Variants in ZFHX3 observed in about 807,000 individuals in gnomAD.
The protein encoded by ZFHX3 is zinc finger homeobox protein 3.
Under a neutral mutation model 279.1 loss-of-function variants are expected in ZFHX3, and 42 were observed. The ratio of observed to expected loss-of-function variants is 0.15; its 90% CI spans 0.12 to 0.19. The LOEUF is 0.19. ZFHX3 is among the 10% of genes least tolerant of loss of function. ZFHX3 has a pLI of 1.00. For synonymous variants in ZFHX3, 2,293 were observed against 1,957.8 expected, an observed-to-expected ratio of 1.17 and a Z score of -4.52; for missense variants, 4,981 against 4,754.0, an observed-to-expected ratio of 1.05 and a Z score of -1.40.
chr16:73,650,017 T>G (rs2052655989), intron 2 of ZFHX3, among the ~76,000 whole-genome samples: 1 of 152,192 alleles, frequency 6.6e-6, no homozygotes, highest in South Asian at 2.1e-4. Context: ...GTCAGTTTAC[T>G]CATTTTTAAA....
At chr16:73,503,089 G>A (rs949724162) in intron 2 of ZFHX3, among the ~76,000 whole-genome samples, 2 of 152,202 alleles carry the variant, frequency 1.3e-5, no homozygotes, top group Non-Finnish European at 2.9e-5. Flanking sequence ...GCTCTAATCA[G>A]AGCTAGATGA....
chr16:73,882,405 G>A (rs541503783), intron 1 of ZFHX3, among the ~76,000 whole-genome samples: 1 of 152,212 alleles, frequency 6.6e-6, no homozygotes, highest in Non-Finnish European at 1.5e-5. Context: ...CTCTAGGAAA[G>A]TGGTACAGAA....
At chr16:73,782,495 G>A (rs999075007) in intron 1 of ZFHX3, among the ~76,000 whole-genome samples, 23 of 152,190 alleles carry the variant, frequency 1.5e-4, no homozygotes, top group African/African-American at 5.3e-4. Flanking sequence ...TTCAAGCCTA[G>A]CTCTTTTCTG....
intron 3 of ZFHX3, among the ~76,000 whole-genome samples, chr16:73,402,695 A>G (rs1273370202): frequency 6.6e-6 from 1 of 152,102 alleles, no homozygotes; most frequent in Non-Finnish European, 1.5e-5. Flanking sequence ...TGTCAATCCA[A>G]TGTTTTAATA....
At position 73,563,244 on chromosome 16, in the gene ZFHX3, G is replaced by GT. The variant is rs111697941; in HGVS notation, c.-1546-106987dup. On this transcript the variant is annotated intron_variant, in intron 2 of 17. Coordinates refer to the ZFHX3 transcript ENST00000641206. ...TGTGTTTTGTTTTTGTTTTGTTTTT[G>GT]TTTTTTTTTTTGAGAGGGAGTCTCA... Among the ~76,000 whole-genome samples the GT allele has an allele frequency of 4.6e-3, 595 of 129,548 alleles. 8 individuals carry two copies. The highest frequency in any genetic ancestry group is 0.015 in the African/African-American group (521 of 34,960). The allele number at this position is 129,548 out of a possible 152,430, so 85.0% of individuals were successfully genotyped here.
chr16:73,635,111 G>A (rs1456760716), intron 2 of ZFHX3, among the ~76,000 whole-genome samples: 1 of 152,130 alleles, frequency 6.6e-6, no homozygotes, highest in East Asian at 1.9e-4. Flanking sequence ...AAGAGGTAGA[G>A]GAGAAAACTC....
At chr16:73,784,752 T>TA (rs1374963178) in intron 1 of ZFHX3, among the ~76,000 whole-genome samples, 1 of 136,386 alleles carries the variant, frequency 7.3e-6, no homozygotes, top group Admixed American at 7.5e-5. Flanking sequence ...TCTCAAAAAT[T>TA]AAAAAAATTT....
chr16:73,377,877 C>G (rs1473054305), intron 3 of ZFHX3, among the ~76,000 whole-genome samples: 1 of 150,878 alleles, frequency 6.6e-6, no homozygotes, highest in Non-Finnish European at 1.5e-5. Flanking sequence ...ACTAAAAATA[C>G]AAAAAATGAG....
At chr16:73,673,245 G>A (rs1383252188) in intron 2 of ZFHX3, among the ~76,000 whole-genome samples, 1 of 152,142 alleles carries the variant, frequency 6.6e-6, no homozygotes, top group African/African-American at 2.4e-5. Context: ...GGGCACACGG[G>A]TAGAGGCCAC....
chr16:73,021,699 C>T (rs552364820), intron 1 of ZFHX3, among the ~76,000 whole-genome samples: 4 of 151,778 alleles, frequency 2.6e-5, no homozygotes, highest in Middle Eastern at 3.2e-3. Flanking sequence ...GGTGTGGTGG[C>T]GGGCACCTAT....
chr16:73,757,521 G>GT (rs980229920), intron 1 of ZFHX3, among the ~76,000 whole-genome samples: 26 of 151,564 alleles, frequency 1.7e-4, no homozygotes, highest in African/African-American at 5.6e-4. Context: ...AGTAGGGAAT[G>GT]TTTTTTTTTA....
intron 4 of ZFHX3, among the ~76,000 whole-genome samples, chr16:72,860,353 C>G (rs1023727660): frequency 1.3e-5 from 2 of 152,138 alleles, no homozygotes; most frequent in Non-Finnish European, 2.9e-5. Flanking sequence ...AAAGCCTGCC[C>G]GCTTTCCCCC....
rs375221370 is a variant in ZFHX3 at position 73,345,406 on chromosome 16, G to A, written c.-1290-27070C>T. Among the ~76,000 whole-genome samples the A allele has an allele frequency of 8.1e-4, 23 of 28,264 alleles. No individual in the cohort carries two copies. In the East Asian group the frequency reaches 0.016, roughly 19 times the overall value. 18.5% of individuals were successfully genotyped at this position (28,264 alleles called of 152,430 possible). A position where few individuals can be genotyped will look rare whatever the true frequency, so the allele number is the denominator to read the frequency against. On this transcript the variant is annotated intron_variant, in intron 3 of 17. Transcript: ENST00000641206. Reference sequence around the variant, plus strand: ...TCTCCCTCCCCCCACCCCACCCCCCGACAGGCCCCAGTATGTGTTGTTCCC... The same window carrying A: ...TCTCCCTCCCCCCACCCCACCCCCCAACAGGCCCCAGTATGTGTTGTTCCC...
intron 1 of ZFHX3, among the ~76,000 whole-genome samples, chr16:73,795,043 G>A (rs112730640): frequency 2.6e-5 from 4 of 152,182 alleles, no homozygotes; most frequent in African/African-American, 7.2e-5. Flanking sequence ...TGGAAAGGAA[G>A]CTCAGTGCTT....
At chr16:72,937,261 G>A (rs1236838720) in intron 3 of ZFHX3, among the ~76,000 whole-genome samples, 1 of 152,170 alleles carries the variant, frequency 6.6e-6, no homozygotes, top group African/African-American at 2.4e-5. Flanking sequence ...GACTGAATGA[G>A]ATACTTAGGG....
intron 2 of ZFHX3, among the ~76,000 whole-genome samples, chr16:73,645,402 G>A (rs1217881350): frequency 2.6e-5 from 4 of 152,084 alleles, no homozygotes; most frequent in Admixed American, 2.0e-4. Flanking sequence ...GACTACAGGC[G>A]CCCGCCGCCA....
At chr16:73,631,461 G>T (rs1257766584) in intron 2 of ZFHX3, among the ~76,000 whole-genome samples, 1 of 152,046 alleles carries the variant, frequency 6.6e-6, no homozygotes. Context: ...ATGTCATCTA[G>T]CTAGAGATCA....
intron 2 of ZFHX3, among the ~76,000 whole-genome samples, chr16:73,670,517 G>A (rs1256678573): frequency 6.6e-6 from 1 of 152,126 alleles, no homozygotes; most frequent in Non-Finnish European, 1.5e-5. Context: ...TAATCTTTTT[G>A]TCTTTAGCGT....
At chr16:73,307,690 T>C (rs2015214240) in intron 4 of ZFHX3, among the ~76,000 whole-genome samples, 1 of 152,230 alleles carries the variant, frequency 6.6e-6, no homozygotes, top group Non-Finnish European at 1.5e-5. Context: ...CCTTCTCTTA[T>C]ATCTGTTTGG....
Sources: allele counts gnomAD v4.1 joint callset (sites outside exome capture counted in the v4.1 genomes callset), GRCh38; gene constraint gnomAD v4.1.1; transcripts MANE v1.5; gene names NCBI Gene and HGNC (gene_info 2026-07-23, HGNC 2026-07-21).